Variants in MTA3 observed in about 807,000 individuals in gnomAD.
The protein encoded by MTA3 is metastasis associated 1 family member 3.
Under a neutral mutation model 83.5 loss-of-function variants are expected in MTA3, and 34 were observed. The observed-to-expected ratio is 0.41, with a 90% confidence interval of 0.31 to 0.54. The LOEUF is 0.54. Among genes scored for constraint, MTA3 ranks in the 20% least tolerant of loss-of-function variants. The pLI is 0.33. For missense variants in MTA3, 761 were observed against 726.4 expected (o/e 1.05, Z -0.55); for synonymous variants, 303 against 252.7 (o/e 1.20, Z -1.89).
intron 2 of MTA3, among the ~76,000 whole-genome samples, chr2:42,514,491 A>G (rs530804160): frequency 1.3e-5 from 2 of 151,808 alleles, no homozygotes; most frequent in South Asian, 2.1e-4. Context: ...TCAAGCAATT[A>G]TCCTGCCTCA....
At chr2:42,566,347 G>C (rs1321781100), upstream of MTA3, among the ~76,000 whole-genome samples, 2 of 152,152 alleles carry the variant, frequency 1.3e-5, no homozygotes, top group African/African-American at 2.4e-5. Context: ...CAAAGTCCTT[G>C]TATTCAGCTC....
intron 8 of MTA3, among the ~76,000 whole-genome samples, chr2:42,663,008 G>C (rs183074802): frequency 1.3e-5 from 2 of 152,052 alleles, no homozygotes; most frequent in Non-Finnish European, 2.9e-5. Flanking sequence ...GGGATTACAG[G>C]TGTGAGCCAC....
intron 2 of MTA3, among the ~76,000 whole-genome samples, chr2:42,549,710 TATATTTAA>T (rs887514710): frequency 1.8e-4 from 23 of 129,158 alleles, no homozygotes; most frequent in Admixed American, 1.0e-4. Flanking sequence ...TTATATATTA[TATATTTAA>T]ATTATATATT....
chr2:42,676,196 A>G (rs553689338), intron 8 of MTA3, among the ~76,000 whole-genome samples: 1 of 152,348 alleles, frequency 6.6e-6, no homozygotes, highest in South Asian at 2.1e-4. Flanking sequence ...CAGGAACACA[A>G]ACTAAACACT....
chr2:42,554,404 A>T (rs149692060), intron 2 of MTA3, among the ~76,000 whole-genome samples: 4 of 152,278 alleles, frequency 2.6e-5, no homozygotes, highest in East Asian at 1.9e-4. Flanking sequence ...GAACTGATGC[A>T]TTTGTATTTT....
chr2:42,619,850 A>T lies in MTA3; in HGVS notation c.317+10266A>T, dbSNP rs1685339064. On this transcript the variant is annotated intron_variant, in intron 4 of 16. Transcript: ENST00000405094. ...TTTGCTCTCCTGGTGCCGTAGCACA[A>T]ATCCGTGGTACCAGGCCGAGCTAGT... 4.6e-5 allele frequency among the ~76,000 whole-genome samples: 7 copies of T among 152,296 alleles called. No individual in the cohort carries two copies. The South Asian group carries it at 1.5e-3, about 32-fold the overall frequency.
chr2:42,609,961 G>T (rs1193550898), intron 4 of MTA3, among the ~76,000 whole-genome samples: 1 of 152,118 alleles, frequency 6.6e-6, no homozygotes, highest in Non-Finnish European at 1.5e-5. Context: ...TTAGCTGGGC[G>T]TGGTGGTATG....
chr2:42,528,381 G>A (rs921130961), intron 2 of MTA3, among the ~76,000 whole-genome samples: 6 of 151,690 alleles, frequency 4.0e-5, no homozygotes, highest in African/African-American at 1.2e-4. Flanking sequence ...CACCACACCC[G>A]GCTAATTTTT....
intron 8 of MTA3, among the ~76,000 whole-genome samples, chr2:42,671,563 A>G (rs1300024641): frequency 6.6e-6 from 1 of 152,192 alleles, no homozygotes; most frequent in Non-Finnish European, 1.5e-5. Context: ...CATGATAAAC[A>G]TACAAGATTG....
At chr2:42,751,771 G>C (rs917412025) in intron 16 of MTA3, among the ~76,000 whole-genome samples, 7 of 152,192 alleles carry the variant, frequency 4.6e-5, no homozygotes, top group African/African-American at 1.7e-4. Context: ...TCTTTTGATA[G>C]GTGGTTTAAT....
rs386390061 is a variant in MTA3, at chr2:42,517,864, CAAAA to C, written c.-141+22624_-141+22627del. Among the ~76,000 whole-genome samples the C allele has an allele frequency of 7.3e-5, 7 of 95,258 alleles. No homozygotes were observed. In the South Asian group the frequency reaches 1.1e-3, roughly 14 times the overall value. 62.5% of individuals were successfully genotyped at this position (95,258 alleles called of 152,430 possible). Reference sequence around the variant, plus strand: ...ACTGCACTCCAGTGAGACTCTGTCTCAAAAAAAAAAAAAAAAAGAAGAAAAGAAA... The same window carrying C: ...ACTGCACTCCAGTGAGACTCTGTCTCAAAAAAAAAAAAAGAAGAAAAGAAA... On this transcript the variant is annotated intron_variant, in intron 2 of 17. Transcript: ENST00000405592.
At chr2:42,543,551 T>C (rs1676618032) in intron 2 of MTA3, among the ~76,000 whole-genome samples, 2 of 152,008 alleles carry the variant, frequency 1.3e-5, no homozygotes, top group South Asian at 4.1e-4. Flanking sequence ...GTGGCAATTA[T>C]AGCTCATTGC....
chr2:42,553,131 A>G (rs1003136092), intron 2 of MTA3, among the ~76,000 whole-genome samples: 2 of 151,808 alleles, frequency 1.3e-5, no homozygotes, highest in African/African-American at 4.8e-5. Flanking sequence ...TTTTTAAAAA[A>G]TTAGGCTGGG....
At chr2:42,744,109 T>G (rs890767106) in intron 16 of MTA3, among the ~76,000 whole-genome samples, 2 of 152,042 alleles carry the variant, frequency 1.3e-5, no homozygotes, top group Non-Finnish European at 2.9e-5. Flanking sequence ...GCCCCCAGGG[T>G]TACTGAATGG....
At chr2:42,627,725 ATTT>A (rs869227831) in intron 4 of MTA3, among the ~76,000 whole-genome samples, 80 of 103,354 alleles carry the variant, frequency 7.7e-4, no homozygotes, top group South Asian at 1.4e-3. Context: ...GCCTGGCTAA[ATTT>A]TTTTTTTTTT....
At chr2:42,702,857 T>C (rs891410081) in intron 11 of MTA3, 1 of 152,256 alleles carries the variant, frequency 6.6e-6, no homozygotes, top group African/African-American at 2.4e-5. Context: ...GCCTGGGAAA[T>C]ACCAAGATAA....
At chr2:42,544,082 A>C (rs1471257050) in intron 2 of MTA3, among the ~76,000 whole-genome samples, 8 of 152,140 alleles carry the variant, frequency 5.3e-5, no homozygotes, top group African/African-American at 1.9e-4. Flanking sequence ...GTTCGCCTGC[A>C]AGGACAAACT....
rs373165883 is a variant in MTA3, at chr2:42,707,174, C to A, written c.1151-729C>A. ...TAGATTCCTGACTTTATCAATGAGA[C>A]CTCCCTGAGTACCTTAAATAATCCT... On this transcript the variant is annotated intron_variant, in intron 12 of 16. Coordinates refer to ENST00000405094, the MANE Select transcript of MTA3 (RefSeq NM_001330442.2). 2.0e-5 allele frequency among the ~76,000 whole-genome samples: 3 copies of A among 152,094 alleles called. No individual in the cohort carries two copies. The East Asian group carries it at 5.8e-4, about 29-fold the overall frequency.
At chr2:42,684,095 C>T (rs1692173163) in intron 9 of MTA3, among the ~76,000 whole-genome samples, 1 of 152,030 alleles carries the variant, frequency 6.6e-6, no homozygotes, top group South Asian at 2.1e-4. Context: ...GGGTAAATAC[C>T]AGGTCATCTT....
Sources: gnomAD v4.1 joint callset for allele counts (sites outside exome capture counted in the v4.1 genomes callset) on GRCh38, gnomAD v4.1.1 for gene constraint, MANE v1.5 for transcripts, NCBI Gene and HGNC (gene_info 2026-07-23, HGNC 2026-07-21) for gene names.